TMEM135: variants seen among roughly 807,000 people sequenced by gnomAD.
TMEM135 encodes the protein peroxisomal membrane protein 52.
Under a neutral mutation model 60.3 loss-of-function variants are expected in TMEM135, and 30 were observed. The observed-to-expected ratio is 0.50, with a 90% CI of 0.37 to 0.68. The LOEUF is 0.68. Ranked by LOEUF, TMEM135 falls within the 30% of genes least tolerant of loss-of-function variation. The pLI is 0.00. For missense variants in TMEM135, 468 were observed against 548.8 expected, an observed-to-expected ratio of 0.85 and a Z score of 1.47; for synonymous variants, 190 against 186.7, an observed-to-expected ratio of 1.02 and a Z score of -0.14.
chr11:87,322,857 A>C lies in TMEM135; in HGVS notation c.*1524A>C. 2.2e-6 allele frequency: 1 copy of C among 454,460 alleles called. No individual in the cohort carries two copies. Among genetic ancestry groups the C allele is most frequent in the South Asian group, 1.6e-5 (1 of 64,476 alleles). The allele number at this position is 454,460 out of a possible 1,614,324, so 28.2% of individuals were successfully genotyped here. On this transcript the variant is annotated 3_prime_UTR_variant, in exon 15 of 15. Coordinates refer to ENST00000305494, the MANE Select transcript of TMEM135 (RefSeq NM_022918.4). ...TTGGTCAAAATTTGGCATTATGATT[A>C]GCTTTGTAGAACTGACCTGTTTATT...
intron 5 of TMEM135, among the ~76,000 whole-genome samples, chr11:87,167,602 G>T (rs1055965277): frequency 7.2e-5 from 11 of 152,234 alleles, no homozygotes; most frequent in African/African-American, 2.6e-4. Context: ...TTATGTGATG[G>T]AGTACGTTTA....
At chr11:87,199,649 G>T (rs1218845820) in intron 5 of TMEM135, among the ~76,000 whole-genome samples, 1 of 152,118 alleles carries the variant, frequency 6.6e-6, no homozygotes, top group African/African-American at 2.4e-5. Context: ...TGGGTTTGTG[G>T]CTAGGAGCGG....
At chr11:87,135,605 A>G (rs571488966) in intron 4 of TMEM135, among the ~76,000 whole-genome samples, 7 of 150,442 alleles carry the variant, frequency 4.7e-5, no homozygotes, top group East Asian at 2.0e-4. Flanking sequence ...CTATTAGTCT[A>G]TGTTTAAACC....
chr11:87,282,018 A>T (rs1279560146), intron 6 of TMEM135, among the ~76,000 whole-genome samples: 1 of 152,230 alleles, frequency 6.6e-6, no homozygotes, highest in Non-Finnish European at 1.5e-5. Flanking sequence ...CATTTTTAAG[A>T]ATCCTGTGGA....
At chr11:87,166,167 G>A (rs1171035910) in intron 5 of TMEM135, among the ~76,000 whole-genome samples, 2 of 151,584 alleles carry the variant, frequency 1.3e-5, no homozygotes, top group Non-Finnish European at 1.5e-5. Flanking sequence ...TTTTGATGGG[G>A]CTGTTTGTTT....
intron 4 of TMEM135, among the ~76,000 whole-genome samples, chr11:87,135,415 C>A (rs1031892121): frequency 6.6e-6 from 1 of 151,152 alleles, no homozygotes; most frequent in South Asian, 2.1e-4. Context: ...TGTAAAGTAT[C>A]GATCACAGTT....
At chr11:87,205,896 C>T (rs985054746) in intron 5 of TMEM135, among the ~76,000 whole-genome samples, 2 of 152,042 alleles carry the variant, frequency 1.3e-5, no homozygotes, top group African/African-American at 4.8e-5. Context: ...TAGTGAGTAC[C>T]TGAGTGTCTG....
intron 4 of TMEM135, among the ~76,000 whole-genome samples, chr11:87,148,932 G>T (rs1007119516): frequency 2.6e-5 from 4 of 151,922 alleles, no homozygotes; most frequent in Non-Finnish European, 5.9e-5. Context: ...TGAATTGTGG[G>T]TTGGAGTTAA....
At chr11:87,101,515 T>C (rs1300706709) in intron 4 of TMEM135, among the ~76,000 whole-genome samples, 4 of 152,228 alleles carry the variant, frequency 2.6e-5, no homozygotes, top group Non-Finnish European at 5.9e-5. Context: ...AACTTCTCTG[T>C]AATTTTATTT....
chr11:87,161,185 G>A (rs1473097964), intron 5 of TMEM135, among the ~76,000 whole-genome samples: 10 of 152,204 alleles, frequency 6.6e-5, no homozygotes, highest in African/African-American at 2.2e-4. Flanking sequence ...GGCATGAGCC[G>A]CTGTGCCTGG....
chr11:87,189,962 A>G (rs928508233), intron 5 of TMEM135, among the ~76,000 whole-genome samples: 2 of 151,944 alleles, frequency 1.3e-5, no homozygotes, highest in Non-Finnish European at 2.9e-5. Context: ...TAAAATACAT[A>G]AAATAAAAAA....
intron 6 of TMEM135, among the ~76,000 whole-genome samples, chr11:87,264,532 A>T (rs1029316187): frequency 6.6e-6 from 1 of 151,902 alleles, no homozygotes; most frequent in Admixed American, 6.5e-5. Context: ...GCATTAGCAT[A>T]TGTTTATAAT....
At chr11:87,180,617 AC>A (rs1207718303) in intron 5 of TMEM135, among the ~76,000 whole-genome samples, 1 of 152,174 alleles carries the variant, frequency 6.6e-6, no homozygotes, top group East Asian at 1.9e-4. Context: ...TAACTGAACT[AC>A]ATTGTAGACC....
intron 1 of TMEM135, among the ~76,000 whole-genome samples, chr11:87,059,207 C>T (rs76423277): frequency 0.11 from 16,123 of 151,624 alleles, 911 homozygotes; most frequent in Non-Finnish European, 0.12. Context: ...AAAGTGCTGA[C>T]GTCAGCCACC....
rs1555124056 is a variant in TMEM135 at position 87,248,032 on chromosome 11, A to AAG, written c.509+11349_509+11350insGA. Among the ~76,000 whole-genome samples the AAG allele has an allele frequency of 3.9e-3, 587 of 149,002 alleles. 5 individuals are homozygous for AAG. Among genetic ancestry groups the AAG allele is most frequent in the Non-Finnish European group, 4.5e-3 (305 of 67,242 alleles). ...TTGATAGCCTTTTTAAAAAAAAAAAAAAAAAGAAAATAGCTGAATAGCATT... is the reference window on the plus strand; with the variant it reads ...TTGATAGCCTTTTTAAAAAAAAAAAAAGAAAAAGAAAATAGCTGAATAGCATT... On this transcript the variant is annotated intron_variant, in intron 6 of 14. Coordinates refer to ENST00000305494, the MANE Select transcript of TMEM135 (RefSeq NM_022918.4).
chr11:87,189,441 G>A (rs565770889), intron 5 of TMEM135, among the ~76,000 whole-genome samples: 8 of 152,212 alleles, frequency 5.3e-5, no homozygotes, highest in African/African-American at 1.9e-4. Context: ...GATTACAAGC[G>A]TGAGCCACCG....
At chr11:87,291,515 A>ATTTTTTTTTTTTT in intron 6 of TMEM135, among the ~76,000 whole-genome samples, 1 of 50,532 alleles carries the variant, frequency 2.0e-5, no homozygotes, top group Non-Finnish European at 3.5e-5. Flanking sequence ...CAGCCAAGTG[A>ATTTTTTTTTTTTT]TTTTTTTTTT....
At chr11:87,275,978 A>T (rs898833662) in intron 6 of TMEM135, among the ~76,000 whole-genome samples, 10 of 152,106 alleles carry the variant, frequency 6.6e-5, no homozygotes, top group African/African-American at 2.4e-4. Flanking sequence ...GTGGATTTTA[A>T]CATTGTCCTT....
chr11:87,091,374 C>T lies in TMEM135; in HGVS notation c.375C>T (p.Leu125=), dbSNP rs562912646. 4 of 1,612,174 alleles carry T rather than the reference C, an allele frequency of 2.5e-6. No individual in the cohort carries two copies. The highest frequency in any genetic ancestry group is 2.2e-5 in the East Asian group (1 of 44,688). ...LIERKSRRGL[L]TIYMANLATE... Reference sequence around the variant, plus strand: ...AAATTATTTGCAGGAGAGGGCTGCTCACAATTTATATGGCCAACTTGGTAA... The same window carrying T: ...AAATTATTTGCAGGAGAGGGCTGCTTACAATTTATATGGCCAACTTGGTAA... Residue 125 remains leucine, a synonymous_variant, in exon 4 of 15, where the codon CTC becomes CTT. Transcript: ENST00000305494.
Sources: gnomAD v4.1 joint callset for allele counts (sites outside exome capture counted in the v4.1 genomes callset) on GRCh38, gnomAD v4.1.1 for gene constraint, MANE v1.5 for transcripts, NCBI Gene and HGNC (gene_info 2026-07-23, HGNC 2026-07-21) for gene names.